The following ATP13A5 variants were observed in gnomAD, a reference collection of about 807,000 sequenced individuals.
ATP13A5 encodes the protein probable cation-transporting ATPase 13A5.
ATP13A5 carries 149 observed loss-of-function variants against 150.2 expected under a neutral mutation model. The ratio of observed to expected loss-of-function variants is 0.99; its 90% CI spans 0.87 to 1.14. ATP13A5 has a LOEUF of 1.14. ATP13A5 is among the 50% of genes most tolerant of loss of function. The pLI, the probability that ATP13A5 is intolerant of heterozygous loss-of-function variation, is 0.00. For synonymous variants in ATP13A5, 497 were observed against 522.2 expected (o/e 0.95, Z 0.66); for missense variants, 1,383 against 1,449.3 (o/e 0.95, Z 0.74).
chr3:193,333,745 C>CTTACTCCAT lies in ATP13A5; in HGVS notation c.1268_1272+4dup. The CTTACTCCAT allele has an allele frequency of 6.2e-7, 1 of 1,612,592 alleles. No homozygotes were observed. The highest frequency in any genetic ancestry group is 2.2e-5 in the East Asian group (1 of 44,862). On this transcript the variant is annotated splice_donor_region_variant and intron_variant, in intron 11 of 29. Coordinates refer to ENST00000342358, the MANE Select transcript of ATP13A5 (RefSeq NM_198505.4). ...CTATTGAAAAGCCTTACCCCCAGTA[C>CTTACTCCAT]TTACTCCATGGTACATATATACCCC...
intron 9 of ATP13A5, among the ~76,000 whole-genome samples, chr3:193,335,361 T>G (rs898608336): frequency 5.3e-5 from 8 of 152,194 alleles, no homozygotes; most frequent in African/African-American, 1.9e-4. Context: ...AAGCAGCCTA[T>G]TATAGATGAG....
intron 15 of ATP13A5, 132 bp from the exon 16 acceptor site, chr3:193,321,969 T>G: frequency 9.2e-7 from 1 of 1,087,006 alleles, no homozygotes; most frequent in Non-Finnish European, 1.3e-6. Flanking sequence ...ACAACATTGA[T>G]TTTGTGTGTG....
rs763010295 is a variant in ATP13A5 at position 193,275,228 on chromosome 3, A to G, written c.3471T>C (p.Tyr1157=). The change falls in exon 30 of 30, where the codon TAT becomes TAC. Residue 1157 remains tyrosine, a synonymous_variant. Transcript: ENST00000342358. ...REFGFYSKSQ[Y]RTWQKKLAED... ...CTGCTAGCTTCTTTTGCCAAGTCCT[A>G]TATTGACTTTTAGAGTAGAATCCAA... 4.1e-5 allele frequency: 66 copies of G among 1,614,056 alleles called. No homozygotes were observed. Among genetic ancestry groups the G allele is most frequent in the East Asian group, 1.8e-4 (8 of 44,898 alleles).
intron 27 of ATP13A5, among the ~76,000 whole-genome samples, chr3:193,283,368 T>C (rs896939631): frequency 1.3e-5 from 2 of 151,654 alleles, no homozygotes; most frequent in South Asian, 4.2e-4. Flanking sequence ...GGAAAAAAGA[T>C]CACAAAAAAT....
chr3:193,283,331 A>T (rs1056095459), intron 27 of ATP13A5, among the ~76,000 whole-genome samples: 1 of 152,160 alleles, frequency 6.6e-6, no homozygotes, highest in African/African-American at 2.4e-5. Context: ...TCATAATTAG[A>T]AAAAACTTCC....
At chr3:193,293,958 C>T (rs1054944512) in intron 25 of ATP13A5, among the ~76,000 whole-genome samples, 4 of 152,070 alleles carry the variant, frequency 2.6e-5, no homozygotes, top group Non-Finnish European at 2.9e-5. Context: ...CTGAATTTCA[C>T]GATCCCACCT....
intron 24 of ATP13A5, 32 bp from the exon 25 acceptor site, chr3:193,299,235 G>A: frequency 6.5e-7 from 1 of 1,536,918 alleles, no homozygotes; most frequent in Non-Finnish European, 9.0e-7. Flanking sequence ...ATATAAATGT[G>A]GCATCTGCCA....
At position 193,344,148 on chromosome 3, in the gene ATP13A5, C is replaced by A. The variant is rs1712235075; in HGVS notation, c.815-93G>T. On this transcript the variant is annotated intron_variant, in intron 8 of 29. Transcript: ENST00000342358. ...TAAGAATCCTTATCAACCTGTTGGC[C>A]AAGAGCTACCCTACCTGTTCAACTG... The A allele has an allele frequency of 5.4e-6, 8 of 1,474,580 alleles. No individual in the cohort carries two copies. The South Asian group carries it at 9.5e-5, about 18-fold the overall frequency. 91.3% of individuals were successfully genotyped at this position (1,474,580 alleles called of 1,614,324 possible).
intron 7 of ATP13A5, 61 bp downstream of exon 7, chr3:193,351,006 C>CA: frequency 1.9e-6 from 3 of 1,585,300 alleles, no homozygotes; most frequent in Non-Finnish European, 2.6e-6. Context: ...GTGGAAATAC[C>CA]ATGGGCTTTA....
At position 193,279,363 on chromosome 3, in the gene ATP13A5, T is replaced by TGA. The variant is rs753967075; in HGVS notation, c.3315+2_3315+3insTC. The TGA allele has an allele frequency of 6.2e-7, 1 of 1,610,722 alleles. No individual in the cohort carries two copies. The highest frequency in any genetic ancestry group is 8.5e-7 in the Non-Finnish European group (1 of 1,176,972). On this transcript the variant is annotated splice_region_variant and intron_variant, in intron 28 of 29. Coordinates refer to ENST00000342358, the MANE Select transcript of ATP13A5 (RefSeq NM_198505.4). ...GCCAGATGTGCAAATGAATGCCACTTACCTCCATTCCACGGTATATAACTT... is the reference window on the plus strand; with the variant it reads ...GCCAGATGTGCAAATGAATGCCACTTGAACCTCCATTCCACGGTATATAACTT...
At chr3:193,337,745 G>GTAGTT (rs1711944382) in intron 9 of ATP13A5, among the ~76,000 whole-genome samples, 1 of 152,198 alleles carries the variant, frequency 6.6e-6, no homozygotes. Context: ...GAACTTTAAA[G>GTAGTT]TAGTTTTTTC....
Position 193,343,916 on chromosome 3 carries a change from C to A in ATP13A5, c.943+11G>T. Reference sequence around the variant, plus strand: ...AGACAGGGAAGAGGAAGCTCCATGACAACTGCCTACCTGTAAGCATGCCTT... The same window carrying A: ...AGACAGGGAAGAGGAAGCTCCATGAAAACTGCCTACCTGTAAGCATGCCTT... On this transcript the variant is annotated intron_variant, in intron 9 of 29. Transcript: ENST00000342358. 1 of 1,610,478 alleles carries A rather than the reference C, an allele frequency of 6.2e-7. No individual in the cohort carries two copies.
At chr3:193,304,511 T>A (rs913079777) in intron 23 of ATP13A5, among the ~76,000 whole-genome samples, 1 of 152,220 alleles carries the variant, frequency 6.6e-6, no homozygotes, top group African/African-American at 2.4e-5. Flanking sequence ...CTTTTTTGTA[T>A]GAATCTCAAA....
intron 5 of ATP13A5, among the ~76,000 whole-genome samples, chr3:193,361,913 C>G (rs895251513): frequency 6.6e-5 from 10 of 152,106 alleles, no homozygotes; most frequent in African/African-American, 2.2e-4. Context: ...TATTGAGCTC[C>G]TACCAAAGAA....
intron 21 of ATP13A5, among the ~76,000 whole-genome samples, chr3:193,309,995 A>AT (rs1016888787): frequency 1.3e-5 from 2 of 152,000 alleles, no homozygotes; most frequent in African/African-American, 4.8e-5. Flanking sequence ...CCCAGTAGTT[A>AT]TTTTTTCTGC....
intron 7 of ATP13A5, among the ~76,000 whole-genome samples, chr3:193,347,164 T>C (rs1045349409): frequency 1.1e-4 from 16 of 152,202 alleles, no homozygotes; most frequent in African/African-American, 3.9e-4. Context: ...CAAGGCATCA[T>C]AGAAGAAATA....
chr3:193,333,144 CACACACACACACAA>C (rs1320301743), intron 11 of ATP13A5, among the ~76,000 whole-genome samples: 48 of 150,622 alleles, frequency 3.2e-4, no homozygotes, highest in East Asian at 7.8e-4. Context: ...CTCTCTCACA[CACACACACACACAA>C]ACACACACAC....
intron 17 of ATP13A5, among the ~76,000 whole-genome samples, chr3:193,317,470 A>T (rs1719092829): frequency 6.6e-6 from 1 of 152,212 alleles, no homozygotes; most frequent in African/African-American, 2.4e-5. Context: ...AGTTAAGTTC[A>T]ATACAGATTT....
chr3:193,311,975 T>C, intron 19 of ATP13A5, 34 bp from the exon 20 acceptor site: 1 of 1,606,442 alleles, frequency 6.2e-7, no homozygotes, highest in Non-Finnish European at 8.5e-7. Flanking sequence ...CTACATTGAC[T>C]CCTAAGGAGT....
Sources: allele counts gnomAD v4.1 joint callset (sites outside exome capture counted in the v4.1 genomes callset), GRCh38; gene constraint gnomAD v4.1.1; transcripts MANE v1.5; gene names NCBI Gene and HGNC (gene_info 2026-07-23, HGNC 2026-07-21).